DTNBP1: variants seen among roughly 807,000 people sequenced by gnomAD.
DTNBP1 encodes the protein dysbindin.
In DTNBP1, 35 loss-of-function variants were observed where a neutral mutation model predicts 42.8. The observed-to-expected ratio is 0.82, with a 90% CI of 0.63 to 1.09. DTNBP1 has a LOEUF of 1.09. Among genes scored for constraint, DTNBP1 ranks in the 50% least tolerant of loss-of-function variants. The pLI is 0.00. For synonymous variants in DTNBP1, 171 were observed against 162.2 expected, an observed-to-expected ratio of 1.05 and a Z score of -0.41; for missense variants, 457 against 424.2, an observed-to-expected ratio of 1.08 and a Z score of -0.68.
chr6:15,617,183 C>G (rs1266500196), intron 5 of DTNBP1, among the ~76,000 whole-genome samples: 1 of 151,900 alleles, frequency 6.6e-6, no homozygotes, highest in Non-Finnish European at 1.5e-5. Flanking sequence ...TGAAAGATCT[C>G]TACAAGACAA....
intron 3 of DTNBP1, among the ~76,000 whole-genome samples, chr6:15,640,562 T>C (rs541914109): frequency 1.6e-3 from 237 of 152,314 alleles, no homozygotes; most frequent in Non-Finnish European, 2.6e-3. Flanking sequence ...CCTTACTTGG[T>C]AGACAAAGGA....
intron 5 of DTNBP1, among the ~76,000 whole-genome samples, chr6:15,626,576 A>C (rs1359804327): frequency 6.6e-6 from 1 of 152,208 alleles, no homozygotes; most frequent in African/African-American, 2.4e-5. Context: ...CTTGATTAGG[A>C]AATAGTAAGC....
In DTNBP1 at chr6:15,663,014, C is replaced by T. The variant is rs1455366129; in HGVS notation, c.-145G>A. The T allele has an allele frequency of 4.2e-6, 5 of 1,198,724 alleles. No homozygotes were observed. The highest frequency in any genetic ancestry group is 2.2e-5 in the Admixed American group (1 of 46,278). The allele number at this position is 1,198,724 out of a possible 1,614,324, so 74.3% of individuals were successfully genotyped here. On this transcript the variant is annotated 5_prime_UTR_variant, in exon 1 of 10. Transcript: ENST00000344537. ...CCCGCCCCCGGTCTGGTCCTCGCCG[C>T]CGCGCCGCAACCCCAGCCCCTTCCG...
At chr6:15,546,713 C>A (rs188694056) in intron 7 of DTNBP1, among the ~76,000 whole-genome samples, 12 of 152,026 alleles carry the variant, frequency 7.9e-5, no homozygotes, top group Non-Finnish European at 1.8e-4. Context: ...GTTAAGGGTA[C>A]GGTGTGGTGG....
intron 1 of DTNBP1, among the ~76,000 whole-genome samples, chr6:15,661,085 T>C (rs1294130522): frequency 6.6e-6 from 1 of 152,226 alleles, no homozygotes; most frequent in Non-Finnish European, 1.5e-5. Flanking sequence ...GATTGACGCA[T>C]GGTAAGTGCT....
intron 7 of DTNBP1, among the ~76,000 whole-genome samples, chr6:15,541,614 T>C (rs1276289876): frequency 6.6e-6 from 1 of 152,206 alleles, no homozygotes; most frequent in Non-Finnish European, 1.5e-5. Flanking sequence ...CTCAGGCCTA[T>C]GTCTTTTTAT....
intron 7 of DTNBP1, among the ~76,000 whole-genome samples, chr6:15,574,079 T>A (rs543592043): frequency 1.3e-3 from 193 of 152,320 alleles, no homozygotes; most frequent in Non-Finnish European, 2.1e-3. Flanking sequence ...TCTCGGGAGA[T>A]GCTCACATCT....
chr6:15,614,643 T>C (rs1040075886), intron 6 of DTNBP1, among the ~76,000 whole-genome samples: 1 of 152,200 alleles, frequency 6.6e-6, no homozygotes, highest in African/African-American at 2.4e-5. Context: ...AGACTCCTTT[T>C]CCATCTCCAG....
At chr6:15,650,283 A>AT in intron 3 of DTNBP1, among the ~76,000 whole-genome samples, 1 of 152,182 alleles carries the variant, frequency 6.6e-6, no homozygotes, top group Middle Eastern at 3.4e-3. Context: ...TTATTTATTT[A>AT]TTTTTTGAGA....
intron 7 of DTNBP1, among the ~76,000 whole-genome samples, chr6:15,545,529 T>A (rs1256151577): frequency 6.6e-6 from 1 of 152,160 alleles, no homozygotes; most frequent in African/African-American, 2.4e-5. Flanking sequence ...AATCAAGTAC[T>A]ATACTTTTAC....
chr6:15,528,766 CCT>C (rs1465750765), intron 8 of DTNBP1, among the ~76,000 whole-genome samples: 2 of 152,108 alleles, frequency 1.3e-5, no homozygotes, highest in Non-Finnish European at 2.9e-5. Context: ...ACCAGTAATT[CCT>C]CTCCTAGTTA....
At chr6:15,530,321 T>C (rs1380035984) in intron 8 of DTNBP1, among the ~76,000 whole-genome samples, 2 of 152,218 alleles carry the variant, frequency 1.3e-5, no homozygotes, top group Non-Finnish European at 2.9e-5. Flanking sequence ...CTCTCAGCTC[T>C]AGCTCAAGAG....
intron 5 of DTNBP1, among the ~76,000 whole-genome samples, chr6:15,620,306 A>G (rs1250089850): frequency 6.6e-6 from 1 of 152,190 alleles, no homozygotes; most frequent in Non-Finnish European, 1.5e-5. Flanking sequence ...CATAAATGGT[A>G]CATAAGGAGT....
intron 9 of DTNBP1, chr6:15,523,974 C>T (rs534705282): frequency 2.3e-4 from 300 of 1,287,630 alleles, no homozygotes; most frequent in South Asian, 2.1e-3. Flanking sequence ...TTGAAACGCA[C>T]CAAGCCCAGG....
At chr6:15,599,941 A>G (rs1776663183) in intron 6 of DTNBP1, among the ~76,000 whole-genome samples, 1 of 152,102 alleles carries the variant, frequency 6.6e-6, no homozygotes, top group South Asian at 2.1e-4. Flanking sequence ...CACCAAATCA[A>G]TGGTTTGTCA....
chr6:15,601,571 T>C (rs1442341703), intron 6 of DTNBP1, among the ~76,000 whole-genome samples: 1 of 152,116 alleles, frequency 6.6e-6, no homozygotes, highest in Non-Finnish European at 1.5e-5. Context: ...AATAATGCAC[T>C]TCTCTGATAT....
intron 7 of DTNBP1, among the ~76,000 whole-genome samples, chr6:15,536,971 GAC>G (rs1251788440): frequency 1.8e-4 from 27 of 152,334 alleles, no homozygotes; most frequent in Admixed American, 1.7e-3. Flanking sequence ...GGGGCCTGTA[GAC>G]CCTTTGTTTT....
intron 7 of DTNBP1, among the ~76,000 whole-genome samples, chr6:15,538,780 G>C (rs1773391788): frequency 2.0e-5 from 3 of 152,150 alleles, no homozygotes; most frequent in Non-Finnish European, 2.9e-5. Flanking sequence ...TATTACTCCG[G>C]AAAATCTAGT....
At chr6:15,601,534 C>G (rs1776727117) in intron 6 of DTNBP1, among the ~76,000 whole-genome samples, 1 of 152,114 alleles carries the variant, frequency 6.6e-6, no homozygotes, top group Non-Finnish European at 1.5e-5. Context: ...TTCTCTGCCT[C>G]AAAAGTAACG....
Sources: gnomAD v4.1 joint callset for allele counts (sites outside exome capture counted in the v4.1 genomes callset) on GRCh38, gnomAD v4.1.1 for gene constraint, MANE v1.5 for transcripts, NCBI Gene and HGNC (gene_info 2026-07-23, HGNC 2026-07-21) for gene names.